Variants in TMTC1 observed in about 807,000 individuals in gnomAD.
The protein encoded by TMTC1 is transmembrane O-mannosyltransferase targeting cadherins 1, also known as protein O-mannosyl-transferase TMTC1.
A neutral mutation model predicts 104.8 loss-of-function variants in TMTC1; 73 were observed. That is an observed-to-expected ratio of 0.70 (90% CI 0.58 to 0.85). The LOEUF is 0.85. Ranked by LOEUF, TMTC1 falls within the 40% of genes least tolerant of loss-of-function variation. The pLI is 0.00. For missense variants in TMTC1, 1,035 were observed against 1,096.1 expected (o/e 0.94, Z 0.79); for synonymous variants, 434 against 428.7 (o/e 1.01, Z -0.15).
At chr12:29,700,952 C>A (rs1034918131) in intron 5 of TMTC1, among the ~76,000 whole-genome samples, 1 of 151,930 alleles carries the variant, frequency 6.6e-6, no homozygotes, top group Non-Finnish European at 1.5e-5. Flanking sequence ...AAGGCTCAGG[C>A]ACTTTGCAAG....
intron 5 of TMTC1, among the ~76,000 whole-genome samples, chr12:29,656,433 C>A (rs1939764270): frequency 6.7e-6 from 1 of 150,184 alleles, no homozygotes; most frequent in Non-Finnish European, 1.5e-5. Flanking sequence ...CGGCTCACTG[C>A]AACCTCTGCC....
Position 29,725,011 on chromosome 12 carries a change from G to GTTTTTTTTTTTTTTTTTTTTTTTTT in TMTC1, c.938+26654_938+26655insAAAAAAAAAAAAAAAAAAAAAAAAA, listed in dbSNP as rs879602127. Among the ~76,000 whole-genome samples, 15 of 115,758 alleles carry GTTTTTTTTTTTTTTTTTTTTTTTTT rather than the reference G, an allele frequency of 1.3e-4. 6 individuals are homozygous for GTTTTTTTTTTTTTTTTTTTTTTTTT. Among genetic ancestry groups the GTTTTTTTTTTTTTTTTTTTTTTTTT allele is most frequent in the African/African-American group, 2.8e-4 (9 of 32,324 alleles). The allele number at this position is 115,758 out of a possible 152,430, so 75.9% of individuals were successfully genotyped here. On this transcript the variant is annotated intron_variant, in intron 5 of 17. Transcript: ENST00000539277. ...CGTAGTTTAGCTATATATCTGCCAA[G>GTTTTTTTTTTTTTTTTTTTTTTTTT]TTCTTTTTTTTTTTTTTTTTTTTTT...
chr12:29,516,980 T>G (rs1257583350), intron 14 of TMTC1, among the ~76,000 whole-genome samples: 1 of 152,134 alleles, frequency 6.6e-6, no homozygotes, highest in African/African-American at 2.4e-5. Context: ...GCAAAGGTAT[T>G]TAGAGATAAA....
intron 1 of TMTC1, among the ~76,000 whole-genome samples, chr12:29,780,765 T>A (rs1369823018): frequency 6.6e-6 from 1 of 152,196 alleles, no homozygotes; most frequent in Non-Finnish European, 1.5e-5. Context: ...ATACAGGATG[T>A]TACCATTGGG....
intron 5 of TMTC1, among the ~76,000 whole-genome samples, chr12:29,644,420 C>T (rs1401052047): frequency 6.6e-6 from 1 of 151,678 alleles, no homozygotes; most frequent in Non-Finnish European, 1.5e-5. Context: ...GTGTATACTG[C>T]TTGGATAATG....
chr12:29,533,772 G>A (rs968210020), intron 11 of TMTC1: 6 of 152,034 alleles, frequency 3.9e-5, no homozygotes, highest in Admixed American at 2.0e-4. Context: ...TACACTGTAC[G>A]GCAGGAAAAA....
At chr12:29,524,829 G>A (rs1944289525) in intron 11 of TMTC1, among the ~76,000 whole-genome samples, 1 of 152,176 alleles carries the variant, frequency 6.6e-6, no homozygotes, top group Non-Finnish European at 1.5e-5. Context: ...AATGCTGGCT[G>A]CAAAGTCCTC....
chr12:29,562,300 G>A (rs2136275865), intron 9 of TMTC1, among the ~76,000 whole-genome samples: 1 of 152,260 alleles, frequency 6.6e-6, no homozygotes, highest in African/African-American at 2.4e-5. Flanking sequence ...TCTTCAAGAG[G>A]GGCCAGCTAA....
chr12:29,560,480 C>T (rs1056484356), intron 9 of TMTC1, among the ~76,000 whole-genome samples: 3 of 151,786 alleles, frequency 2.0e-5, no homozygotes, highest in African/African-American at 4.8e-5. Flanking sequence ...TGTATGGGGC[C>T]GGGTGAGGTG....
intron 7 of TMTC1, among the ~76,000 whole-genome samples, chr12:29,597,197 T>A (rs1946427729): frequency 6.6e-6 from 1 of 151,752 alleles, no homozygotes; most frequent in African/African-American, 2.4e-5. Flanking sequence ...TGTGAACTTT[T>A]TTTTTCTTTT....
intron 5 of TMTC1, among the ~76,000 whole-genome samples, chr12:29,649,958 A>T (rs1318229868): frequency 6.6e-6 from 1 of 152,234 alleles, no homozygotes; most frequent in Non-Finnish European, 1.5e-5. Flanking sequence ...AAGCCTAGTA[A>T]GATCATAAGA....
chr12:29,661,209 T>C (rs1296208216), intron 5 of TMTC1: 10 of 267,788 alleles, frequency 3.7e-5, no homozygotes, highest in Non-Finnish European at 5.8e-5. Context: ...CTGTTAGCTA[T>C]AAATATTACT....
At chr12:29,757,608 C>G (rs1309757414) in intron 3 of TMTC1, among the ~76,000 whole-genome samples, 1 of 152,150 alleles carries the variant, frequency 6.6e-6, no homozygotes, top group Non-Finnish European at 1.5e-5. Context: ...CTCCATGAAA[C>G]TGGGCAACAT....
intron 5 of TMTC1, among the ~76,000 whole-genome samples, chr12:29,731,871 T>G (rs980015934): frequency 6.6e-6 from 1 of 152,160 alleles, no homozygotes; most frequent in Non-Finnish European, 1.5e-5. Flanking sequence ...TACTATACAG[T>G]TTTTCTTGGC....
chr12:29,752,347 A>C (rs1023977615), intron 4 of TMTC1, among the ~76,000 whole-genome samples: 1 of 152,198 alleles, frequency 6.6e-6, no homozygotes, highest in East Asian at 1.9e-4. Context: ...CACATAACCC[A>C]CTAGATGGGC....
chr12:29,733,351 G>A (rs895618628), intron 5 of TMTC1, among the ~76,000 whole-genome samples: 1 of 151,870 alleles, frequency 6.6e-6, no homozygotes, highest in Non-Finnish European at 1.5e-5. Context: ...TCCTGAGGGG[G>A]TAACTGCGTG....
intron 6 of TMTC1, chr12:29,609,841 C>A (rs1242176780): frequency 1.3e-5 from 2 of 152,342 alleles, no homozygotes; most frequent in East Asian, 3.9e-4. Flanking sequence ...GCCCTGTTGC[C>A]TACCTGGCCT....
intron 5 of TMTC1, among the ~76,000 whole-genome samples, chr12:29,737,977 TG>T (rs1395256777): frequency 6.6e-6 from 1 of 152,236 alleles, no homozygotes; most frequent in Admixed American, 6.5e-5. Context: ...ACAGATTTAC[TG>T]AACAGGCAAC....
At chr12:29,530,385 C>T (rs1166035185) in intron 11 of TMTC1, among the ~76,000 whole-genome samples, 1 of 152,162 alleles carries the variant, frequency 6.6e-6, no homozygotes, top group Non-Finnish European at 1.5e-5. Flanking sequence ...CTCCCTTCCC[C>T]TTTTATGGTC....
Sources: gnomAD v4.1 joint callset for allele counts (sites outside exome capture counted in the v4.1 genomes callset) on GRCh38, gnomAD v4.1.1 for gene constraint, MANE v1.5 for transcripts, NCBI Gene and HGNC (gene_info 2026-07-23, HGNC 2026-07-21) for gene names.